Variants in TANC1 observed in about 807,000 individuals in gnomAD.
The protein encoded by TANC1 is tetratricopeptide repeat, ankyrin repeat and coiled-coil containing 1, also known as protein TANC1.
A neutral mutation model predicts 149.7 loss-of-function variants in TANC1; 77 were observed. The observed-to-expected ratio is 0.51, with a 90% CI of 0.43 to 0.62. The LOEUF (loss-of-function observed/expected upper bound fraction) is 0.62. TANC1 is among the 20% of genes least tolerant of loss of function. The pLI is 0.00. For missense variants in TANC1, 1,985 were observed against 2,321.8 expected, an observed-to-expected ratio of 0.85 and a Z score of 2.98; for synonymous variants, 854 against 925.0, an observed-to-expected ratio of 0.92 and a Z score of 1.39.
intron 2 of TANC1, among the ~76,000 whole-genome samples, chr2:159,026,634 A>T (rs2039368442): frequency 6.6e-6 from 1 of 152,116 alleles, no homozygotes; most frequent in Non-Finnish European, 1.5e-5. Context: ...GACTCTCTAT[A>T]GAGTCCTAAG....
intron 5 of TANC1, chr2:159,147,989 A>T (rs767163755): frequency 6.6e-6 from 1 of 152,232 alleles, no homozygotes; most frequent in Non-Finnish European, 1.5e-5. Context: ...CGAAGTGAGC[A>T]TTGATCTTTG....
chr2:159,053,834 C>A (rs1046757330), intron 2 of TANC1, among the ~76,000 whole-genome samples: 1 of 152,204 alleles, frequency 6.6e-6, no homozygotes, highest in Non-Finnish European at 1.5e-5. Context: ...GGGTTCTCCC[C>A]CTGTGGGCTA....
At chr2:159,055,079 G>A (rs188971676) in intron 2 of TANC1, among the ~76,000 whole-genome samples, 1 of 152,246 alleles carries the variant, frequency 6.6e-6, no homozygotes, top group Non-Finnish European at 1.5e-5. Flanking sequence ...TGACACAAGT[G>A]GGAAACAACA....
chr2:159,137,630 G>A (rs546267111), intron 5 of TANC1, among the ~76,000 whole-genome samples: 2 of 152,308 alleles, frequency 1.3e-5, no homozygotes, highest in East Asian at 1.9e-4. Context: ...GTGCGTTCAC[G>A]TGGGCAGGCA....
intron 2 of TANC1, among the ~76,000 whole-genome samples, chr2:159,042,688 G>C (rs975149771): frequency 6.6e-6 from 1 of 152,036 alleles, no homozygotes; most frequent in Non-Finnish European, 1.5e-5. Flanking sequence ...TGGGCATGCA[G>C]GTGATATTTG....
chr2:159,192,023 GAA>G (rs574908038), intron 16 of TANC1, among the ~76,000 whole-genome samples: 1 of 149,168 alleles, frequency 6.7e-6, no homozygotes, highest in Non-Finnish European at 1.5e-5. Context: ...CTGAAGATCT[GAA>G]AAAAAAAATA....
intron 4 of TANC1, among the ~76,000 whole-genome samples, chr2:159,118,204 C>T (rs932263095): frequency 6.6e-6 from 1 of 152,156 alleles, no homozygotes; most frequent in African/African-American, 2.4e-5. Flanking sequence ...TATTCGTTTC[C>T]TTCCCTCCCC....
intron 16 of TANC1, among the ~76,000 whole-genome samples, chr2:159,191,032 T>G (rs2057402188): frequency 6.6e-6 from 1 of 152,218 alleles, no homozygotes; most frequent in Non-Finnish European, 1.5e-5. Flanking sequence ...GGACACCCTT[T>G]CTGATCTCTC....
chr2:159,187,408 TG>T (rs1304460607), intron 16 of TANC1, among the ~76,000 whole-genome samples: 1 of 152,206 alleles, frequency 6.6e-6, no homozygotes, highest in Non-Finnish European at 1.5e-5. Context: ...TAAGCATGGA[TG>T]GGTGATGCAT....
intron 7 of TANC1, among the ~76,000 whole-genome samples, chr2:159,160,476 G>A (rs1000238685): frequency 6.6e-6 from 1 of 152,184 alleles, no homozygotes; most frequent in Non-Finnish European, 1.5e-5. Context: ...GAAAGATGTC[G>A]TTTATTGGAA....
intron 4 of TANC1, 145 bp from the exon 5 acceptor site, chr2:159,136,049 T>TGTGCGC (rs758453978): frequency 3.3e-5 from 3 of 90,784 alleles, no homozygotes; most frequent in African/African-American, 2.5e-4. Flanking sequence ...TGTGTGTGTG[T>TGTGCGC]GCGCGCGCGC....
Position 159,170,642 on chromosome 2 carries a change from A to G in TANC1, c.1188A>G (p.Glu396=). Residue 396 remains glutamate (E), a synonymous_variant, in exon 10 of 27, where the codon GAA becomes GAG. Transcript: ENST00000263635. Reference sequence around the variant, plus strand: ...GGGATTGGCTCTTTCACCAGATAGAAGAAAACTTGAGGAACACAGAACTGG... The same window carrying G: ...GGGATTGGCTCTTTCACCAGATAGAGGAAAACTTGAGGAACACAGAACTGG... ...VGRDWLFHQI[E]ENLRNTELAE... The G allele has an allele frequency of 1.2e-6, 2 of 1,614,222 alleles. No homozygotes were observed. The highest frequency in any genetic ancestry group is 1.3e-5 in the African/African-American group (1 of 75,060).
At chr2:158,969,165 C>G (rs1559082134) in intron 1 of TANC1, among the ~76,000 whole-genome samples, 1 of 152,202 alleles carries the variant, frequency 6.6e-6, no homozygotes, top group Non-Finnish European at 1.5e-5. Flanking sequence ...CCCTTTCCCG[C>G]CTTCTCTGTA....
In TANC1 at chr2:159,227,618, G is replaced by T. The variant is rs1488353671; in HGVS notation, c.3904-201G>T. ...TCTCACTGTGTAACCACAGGATGCGGGTGCATGTGAGGACAGTGAAGCCCT... is the reference window on the plus strand; with the variant it reads ...TCTCACTGTGTAACCACAGGATGCGTGTGCATGTGAGGACAGTGAAGCCCT... On this transcript the variant is annotated intron_variant, in intron 24 of 26. Coordinates refer to ENST00000263635, the MANE Select transcript of TANC1 (RefSeq NM_033394.3). 3 of 576,038 alleles carry T rather than the reference G, an allele frequency of 5.2e-6. No individual in the cohort carries two copies. The Admixed American group carries it at 1.0e-4, about 20-fold the overall frequency. The allele number at this position is 576,038 out of a possible 1,614,324, so 35.7% of individuals were successfully genotyped here. A position where few individuals can be genotyped will look rare whatever the true frequency, so the allele number is the denominator to read the frequency against.
intron 3 of TANC1, among the ~76,000 whole-genome samples, chr2:159,091,336 T>G (rs2045515993): frequency 6.6e-6 from 1 of 152,160 alleles, no homozygotes; most frequent in African/African-American, 2.4e-5. Context: ...CTGTGAAGAT[T>G]AAGTTTAAAT....
chr2:159,041,731 T>G (rs1385662943), intron 2 of TANC1, among the ~76,000 whole-genome samples: 1 of 152,200 alleles, frequency 6.6e-6, no homozygotes, highest in Admixed American at 6.5e-5. Context: ...CCCTACCCCT[T>G]GTACTTCCTG....
At chr2:159,229,254 G>A (rs1213569152) in intron 26 of TANC1, among the ~76,000 whole-genome samples, 1 of 152,132 alleles carries the variant, frequency 6.6e-6, no homozygotes, top group Non-Finnish European at 1.5e-5. Flanking sequence ...CCTGTTGACT[G>A]AGAGATGGGC....
chr2:159,033,884 G>C (rs1456936579), intron 2 of TANC1, among the ~76,000 whole-genome samples: 1 of 152,178 alleles, frequency 6.6e-6, no homozygotes, highest in Non-Finnish European at 1.5e-5. Flanking sequence ...GCTCTTAGTA[G>C]TTATCCTTGA....
intron 2 of TANC1, among the ~76,000 whole-genome samples, chr2:159,005,871 G>A (rs2037113261): frequency 6.6e-6 from 1 of 152,000 alleles, no homozygotes; most frequent in South Asian, 2.1e-4. Context: ...GGCTTACTTG[G>A]TTTTAATTTT....
Sources: allele counts gnomAD v4.1 joint callset (sites outside exome capture counted in the v4.1 genomes callset), GRCh38; gene constraint gnomAD v4.1.1; transcripts MANE v1.5; gene names NCBI Gene and HGNC (gene_info 2026-07-23, HGNC 2026-07-21).